The following IDO2 variants were observed in gnomAD, a reference collection of about 807,000 sequenced individuals.
IDO2 encodes the protein indoleamine 2,3-dioxygenase-like 1 protein.
In IDO2, 46 loss-of-function variants were observed where a neutral mutation model predicts 45.1. The observed-to-expected ratio is 1.02, with a 90% CI of 0.80 to 1.30. IDO2 has a LOEUF of 1.30. Ranked by LOEUF, IDO2 falls within the 50% of genes most tolerant of loss-of-function variation. The pLI, the probability that IDO2 is intolerant of heterozygous loss-of-function variation, is 0.00. For synonymous variants in IDO2, 218 were observed against 184.9 expected (o/e 1.18, Z -1.45); for missense variants, 544 against 491.8 (o/e 1.11, Z -1.00).
chr8:39,988,418 C>T (rs1180542692), intron 7 of IDO2, among the ~76,000 whole-genome samples: 7 of 152,164 alleles, frequency 4.6e-5, no homozygotes, highest in South Asian at 2.1e-4. Context: ...TCAACTACAG[C>T]GTTAATGCCT....
chr8:39,935,262 G>A, intron 1 of IDO2, 44 bp downstream of exon 1: 1 of 1,504,140 alleles, frequency 6.6e-7, no homozygotes, highest in African/African-American at 1.4e-5. Flanking sequence ...TATGCATAAT[G>A]TAAACATCAA....
chr8:39,937,998 GT>G, intron 1 of IDO2, among the ~76,000 whole-genome samples: 1 of 152,258 alleles, frequency 6.6e-6, no homozygotes, highest in East Asian at 1.9e-4. Context: ...TGTAAAATGT[GT>G]ATTTTATTTG....
chr8:39,973,545 G>A (rs1808211799), intron 3 of IDO2, among the ~76,000 whole-genome samples: 1 of 151,964 alleles, frequency 6.6e-6, no homozygotes. Flanking sequence ...TTGACAATGT[G>A]ACTGTGAAAT....
chr8:39,982,414 G>T (rs1808367337), intron 4 of IDO2, among the ~76,000 whole-genome samples: 1 of 151,918 alleles, frequency 6.6e-6, no homozygotes, highest in Admixed American at 6.6e-5. Flanking sequence ...ATGTATGTGT[G>T]GTCCAGCGTT....
chr8:39,943,475 A>C (rs6474195), intron 1 of IDO2, among the ~76,000 whole-genome samples: 63,064 of 151,658 alleles, frequency 0.42, 13,271 homozygotes, highest in East Asian at 0.59. Context: ...CGGTGGCTCA[A>C]GCCTGTAATC....
intron 10 of IDO2, 84 bp from the exon 11 acceptor site, chr8:40,015,163 A>T (rs1563444740): frequency 3.5e-6 from 3 of 865,098 alleles, no homozygotes; most frequent in South Asian, 3.6e-5. Flanking sequence ...TAGAGAAAAA[A>T]AAAATAAAAA....
chr8:39,942,867 C>T (rs760873547), intron 1 of IDO2, among the ~76,000 whole-genome samples: 1 of 151,962 alleles, frequency 6.6e-6, no homozygotes, highest in Non-Finnish European at 1.5e-5. Context: ...ACAGGAAATT[C>T]TTGAGAAGGT....
chr8:39,974,025 C>G (rs186045300), intron 3 of IDO2, among the ~76,000 whole-genome samples: 1 of 152,082 alleles, frequency 6.6e-6, no homozygotes, highest in African/African-American at 2.4e-5. Context: ...CAGGTGTGAG[C>G]CACTGTGCCC....
At chr8:40,016,188 A>T (rs1585425273) in exon 11 of IDO2, 1 of 397,706 alleles carries the variant, frequency 2.5e-6, no homozygotes, top group East Asian at 3.6e-5. Context: ...TGATATGGGA[A>T]CGGATGAGAC....
At chr8:39,995,251 C>CCTTCTCCTTCTTCTTCTT (rs1554548607) in intron 8 of IDO2, 109 of 77,986 alleles carry the variant, frequency 1.4e-3, no homozygotes, top group Admixed American at 2.8e-3. Flanking sequence ...TTCTCCTTCT[C>CCTTCTCCTTCTTCTTCTT]CTTCTTCTTC....
chr8:39,935,333 C>A, intron 1 of IDO2, 115 bp downstream of exon 1: 1 of 885,596 alleles, frequency 1.1e-6, no homozygotes, highest in Non-Finnish European at 1.8e-6. Context: ...TGTAAAATTC[C>A]TAATTATGTT....
intron 3 of IDO2, among the ~76,000 whole-genome samples, chr8:39,967,324 T>C (rs1181934120): frequency 6.6e-6 from 1 of 151,986 alleles, no homozygotes; most frequent in Non-Finnish European, 1.5e-5. Context: ...AGAAAGACAG[T>C]GTTGGGGTGA....
At chr8:39,939,215 C>T (rs1227867942) in intron 1 of IDO2, among the ~76,000 whole-genome samples, 1 of 146,602 alleles carries the variant, frequency 6.8e-6, no homozygotes, top group East Asian at 2.0e-4. Flanking sequence ...TGCACTCTAG[C>T]CTGGGCGACA....
chr8:39,979,874 C>T (rs1016854005), intron 4 of IDO2, among the ~76,000 whole-genome samples: 1 of 152,146 alleles, frequency 6.6e-6, no homozygotes, highest in Admixed American at 6.5e-5. Context: ...GGCTGGAGTG[C>T]AGTGGTGCAA....
chr8:39,987,825 G>A (rs377440588), intron 6 of IDO2, 46 bp from the exon 7 acceptor site: 23 of 1,158,986 alleles, frequency 2.0e-5, no homozygotes, highest in East Asian at 4.9e-5. Context: ...GAGTACTCAC[G>A]GTACAGTCTC....
At chr8:39,999,999 TG>T (rs1445600316) in intron 8 of IDO2, among the ~76,000 whole-genome samples, 3 of 152,226 alleles carry the variant, frequency 2.0e-5, no homozygotes, top group Non-Finnish European at 4.4e-5. Flanking sequence ...GTGTGCCAAA[TG>T]CATGTCTTAC....
chr8:40,015,303 G>A lies in IDO2; in HGVS notation c.925G>A (p.Glu309Lys), dbSNP rs1172478780. 2.5e-6 allele frequency: 4 copies of A among 1,613,742 alleles called. No individual in the cohort carries two copies. The Admixed American group carries it at 5.0e-5, about 20-fold the overall frequency. ...GCCTCCTTCCCATAAGGCCTTCATA[G>A]AAGACATCCACTCAGCACCTTCCCT... Residue 309 changes from glutamate (E) to lysine (K), a missense_variant, in exon 11 of 11, where the codon GAA becomes AAA. Coordinates refer to ENST00000502986, the Ensembl canonical transcript of IDO2.
rs143573863 is a variant in IDO2 at position 39,945,380 on chromosome 8, G to T, written c.-17-3769G>T. Reference sequence around the variant, plus strand: ...ATTCAAAAAATGGCAGCCTTAGCATGATCTGAGGGAGGATCTTTCAGCCCT... The same window carrying T: ...ATTCAAAAAATGGCAGCCTTAGCATTATCTGAGGGAGGATCTTTCAGCCCT... On this transcript the variant is annotated intron_variant, in intron 1 of 10. Transcript: ENST00000502986. Among the ~76,000 whole-genome samples the T allele has an allele frequency of 3.8e-3, 578 of 152,338 alleles. 3 individuals are homozygous for T. Among genetic ancestry groups the T allele is most frequent in the Non-Finnish European group, 6.9e-3 (467 of 68,038 alleles).
chr8:39,995,599 C>T (rs1392421947), intron 8 of IDO2, among the ~76,000 whole-genome samples: 3 of 151,980 alleles, frequency 2.0e-5, no homozygotes, highest in East Asian at 1.9e-4. Flanking sequence ...ACAGAGGGCA[C>T]GAGCTGTTCC....
Sources: allele counts gnomAD v4.1 joint callset (sites outside exome capture counted in the v4.1 genomes callset), GRCh38; gene constraint gnomAD v4.1.1; transcripts MANE v1.5; gene names NCBI Gene and HGNC (gene_info 2026-07-23, HGNC 2026-07-21).